CANX: variants seen among roughly 807,000 people sequenced by gnomAD.
CANX encodes the protein epididymis secretory sperm binding protein.
Under a neutral mutation model 75.7 loss-of-function variants are expected in CANX, and 14 were observed. The ratio of observed to expected loss-of-function variants is 0.19; its 90% CI spans 0.12 to 0.29. CANX has a LOEUF of 0.29. CANX is among the 10% of genes least tolerant of loss of function. The pLI is 1.00. For missense variants in CANX, 567 were observed against 713.2 expected (o/e 0.79, Z 2.34); for synonymous variants, 227 against 236.9 (o/e 0.96, Z 0.38).
intron 1 of CANX, chr5:179,678,975 G>C: frequency 6.5e-7 from 1 of 1,535,890 alleles, no homozygotes; most frequent in Non-Finnish European, 8.7e-7. Flanking sequence ...AGCTCGGCCT[G>C]GCGCGTGTTG....
In CANX at chr5:179,687,583, T is replaced by C. The variant is rs144277997; in HGVS notation, c.-4+8806T>C. On this transcript the variant is annotated intron_variant, in intron 1 of 14. Coordinates refer to the CANX transcript ENST00000681674. ...CACAAATAAACCCTCATGCTCACTGTTGAAAGCTTTCTCTTCTTGTCATGA... is the reference window on the plus strand; with the variant it reads ...CACAAATAAACCCTCATGCTCACTGCTGAAAGCTTTCTCTTCTTGTCATGA... 2.0e-4 allele frequency among the ~76,000 whole-genome samples: 31 copies of C among 152,320 alleles called. No homozygotes were observed. The East Asian group carries it at 3.3e-3, about 16-fold the overall frequency.
intron 7 of CANX, among the ~76,000 whole-genome samples, chr5:179,710,948 C>T (rs1210063470): frequency 2.0e-5 from 3 of 150,574 alleles, no homozygotes; most frequent in South Asian, 2.1e-4. Context: ...CCTAGCTACT[C>T]GGGAGGCTGA....
intron 1 of CANX, among the ~76,000 whole-genome samples, chr5:179,686,344 T>C (rs1446107141): frequency 6.6e-6 from 1 of 151,936 alleles, no homozygotes; most frequent in Non-Finnish European, 1.5e-5. Flanking sequence ...GTGATCTGCC[T>C]GCCTCGGCCT....
At chr5:179,698,717 C>A, upstream of CANX, 1 of 783,308 alleles carries the variant, frequency 1.3e-6, no homozygotes, top group South Asian at 1.5e-5. Context: ...CGGTCTCGAT[C>A]CAGCGTGGCC....
chr5:179,721,278 C>T (rs1376299860), intron 10 of CANX, among the ~76,000 whole-genome samples: 4 of 145,814 alleles, frequency 2.7e-5, no homozygotes, highest in Non-Finnish European at 6.1e-5. Flanking sequence ...TTAGTAGAGA[C>T]GGGGCTTCGC....
chr5:179,712,604 T>TA (rs1777649844), intron 7 of CANX, among the ~76,000 whole-genome samples: 1 of 149,760 alleles, frequency 6.7e-6, no homozygotes, highest in Non-Finnish European at 1.5e-5. Context: ...TTTTTTTTTT[T>TA]AGTAGAGATG....
chr5:179,696,267 C>CTTTTTTTT (rs34048949), upstream of CANX, among the ~76,000 whole-genome samples: 7 of 56,732 alleles, frequency 1.2e-4, no homozygotes, highest in African/African-American at 2.1e-4. Context: ...AGTGTCATTT[C>CTTTTTTTT]TTTTTTTTTT....
chr5:179,699,338 C>A (rs548563429), intron 1 of CANX, among the ~76,000 whole-genome samples: 1 of 152,284 alleles, frequency 6.6e-6, no homozygotes, highest in Non-Finnish European at 1.5e-5. Flanking sequence ...GCAGGTGGCC[C>A]GACAGCCTTC....
rs1204646574 is a variant in CANX, at chr5:179,705,743, A to G, written c.62A>G (p.His21Arg). 1.2e-6 allele frequency: 2 copies of G among 1,609,814 alleles called. No homozygotes were observed. Among genetic ancestry groups the G allele is most frequent in the Non-Finnish European group, 8.5e-7 (1 of 1,176,066 alleles). The change falls in exon 2 of 15, where the codon CAT becomes CGT. Residue 21 changes from histidine (H) to arginine (R), a missense_variant. Physicochemically the swap from His to Arg is conservative, Grantham distance 29 (BLOSUM62 0). Transcript: ENST00000247461. ...LVLGTAIVEA[H>R]DGHDDDVIDI... Reference sequence around the variant, plus strand: ...CTTGGAACTGCTATTGTTGAGGCTCATGATGGACATGATGATGATGTGATT... The same window carrying G: ...CTTGGAACTGCTATTGTTGAGGCTCGTGATGGACATGATGATGATGTGATT...
intron 7 of CANX, among the ~76,000 whole-genome samples, chr5:179,712,896 C>CT (rs1168654348): frequency 7.6e-5 from 11 of 144,996 alleles, no homozygotes; most frequent in South Asian, 2.2e-4. Context: ...GCTAATTTTT[C>CT]TTTTTTTTAT....
intron 8 of CANX, among the ~76,000 whole-genome samples, chr5:179,717,233 G>A (rs1382376994): frequency 1.3e-5 from 2 of 152,018 alleles, no homozygotes; most frequent in Non-Finnish European, 2.9e-5. Context: ...CTGAACTTTT[G>A]TACTGCACTA....
At chr5:179,709,316 A>C (rs1306054157) in intron 6 of CANX, among the ~76,000 whole-genome samples, 1 of 152,034 alleles carries the variant, frequency 6.6e-6, no homozygotes, top group Non-Finnish European at 1.5e-5. Context: ...TGGGAGGCTG[A>C]GGCAGGAGAA....
intron 1 of CANX, among the ~76,000 whole-genome samples, chr5:179,705,034 G>A (rs758164803): frequency 3.3e-5 from 5 of 151,676 alleles, no homozygotes; most frequent in Admixed American, 6.6e-5. Context: ...GCTCTGTCAC[G>A]CAGGCTAGAG....
chr5:179,683,564 C>T (rs1776126375), intron 1 of CANX, among the ~76,000 whole-genome samples: 1 of 151,942 alleles, frequency 6.6e-6, no homozygotes. Flanking sequence ...AGAGGAGTCT[C>T]ACTTTGTTGC....
intron 3 of CANX, 63 bp from the exon 4 acceptor site, chr5:179,707,069 C>T: frequency 1.0e-6 from 1 of 956,388 alleles, no homozygotes; most frequent in Non-Finnish European, 1.7e-6. Context: ...TGAGTATTTA[C>T]ATAATTTTCC....
chr5:179,719,165 TA>T (rs963020788), intron 8 of CANX, among the ~76,000 whole-genome samples: 55 of 152,372 alleles, frequency 3.6e-4, no homozygotes, highest in African/African-American at 1.3e-3. Flanking sequence ...ATGTGGTAAC[TA>T]ACTTTTTGAG....
At chr5:179,681,556 CAGTT>C (rs1776064777) in intron 1 of CANX, among the ~76,000 whole-genome samples, 2 of 152,228 alleles carry the variant, frequency 1.3e-5, no homozygotes, top group African/African-American at 4.8e-5. Flanking sequence ...AATGGCACCA[CAGTT>C]AGGCCTCCTT....
At chr5:179,716,387 T>G in intron 8 of CANX, 93 bp downstream of exon 8, 1 of 835,474 alleles carries the variant, frequency 1.2e-6, no homozygotes, top group Non-Finnish European at 1.9e-6. Flanking sequence ...TAAGCTCTGA[T>G]AATTTCAGTA....
upstream of CANX, among the ~76,000 whole-genome samples, chr5:179,695,432 C>A (rs1406060283): frequency 1.3e-5 from 2 of 151,714 alleles, no homozygotes; most frequent in African/African-American, 4.8e-5. Flanking sequence ...TGGGTTCAAG[C>A]GATTCTCTTG....
Sources: allele counts gnomAD v4.1 joint callset (sites outside exome capture counted in the v4.1 genomes callset), GRCh38; gene constraint gnomAD v4.1.1; transcripts MANE v1.5; gene names NCBI Gene and HGNC (gene_info 2026-07-23, HGNC 2026-07-21).